LRRK1: variants seen among roughly 807,000 people sequenced by gnomAD.
LRRK1 encodes the protein leucine-rich repeat serine/threonine-protein kinase 1.
LRRK1 carries 113 observed loss-of-function variants against 209.1 expected under a neutral mutation model. The ratio of observed to expected loss-of-function variants is 0.54; its 90% CI spans 0.46 to 0.63. The LOEUF is 0.63. LRRK1 is among the 30% of genes least tolerant of loss of function. The probability of loss-of-function intolerance (pLI) is 0.00; values close to 1 mark genes in which losing one functional copy is unlikely to be tolerated. For synonymous variants in LRRK1, 1,144 were observed against 1,099.7 expected, an observed-to-expected ratio of 1.04 and a Z score of -0.80; for missense variants, 2,284 against 2,632.2, an observed-to-expected ratio of 0.87 and a Z score of 2.89.
At chr15:100,954,222 G>A (rs1230187660) in intron 2 of LRRK1, among the ~76,000 whole-genome samples, 1 of 152,100 alleles carries the variant, frequency 6.6e-6, no homozygotes, top group Non-Finnish European at 1.5e-5. Flanking sequence ...CCTAACTCAT[G>A]TTTTTAATTT....
chr15:100,968,033 C>A (rs2030585479), intron 2 of LRRK1, among the ~76,000 whole-genome samples: 1 of 152,170 alleles, frequency 6.6e-6, no homozygotes, highest in Non-Finnish European at 1.5e-5. Context: ...GTGCCCCATC[C>A]ACAGGAAAAC....
At chr15:101,066,843 C>T in intron 33 of LRRK1, 102 bp downstream of exon 33, 1 of 1,040,104 alleles carries the variant, frequency 9.6e-7, no homozygotes, top group Non-Finnish European at 1.5e-6. Flanking sequence ...CTTCCATTCT[C>T]CCAAATAGCA....
rs772397117 is a variant in LRRK1, at chr15:101,027,375, G to A, written c.2520G>A (p.Gly840=). Residue 840 remains glycine (G), a synonymous_variant, in exon 18 of 34, where the codon GGG becomes GGA. Transcript: ENST00000388948. The surrounding 1 kb of genome is among the most constrained non-coding windows in gnomAD (Gnocchi z 5.1). ...GSTIGCQRLA[G]RLIPRSYLSL... is the part of the protein sequence containing the mutation. ...CCATCGGCTGCCAGCGACTGGCAGG[G>A]CGGCTGGTGGGTACCTTGCTGGTCC... 14 of 1,613,294 alleles carry A rather than the reference G, an allele frequency of 8.7e-6. No individual in the cohort carries two copies.
rs551290421 is a variant in LRRK1, at chr15:101,024,439, T to C, written c.2068-364T>C. On this transcript the variant is annotated intron_variant, in intron 15 of 33. Transcript: ENST00000388948. This position sits in a 1 kb window ranked among gnomAD's most constrained non-coding sequence, Gnocchi z 4.6. ...AGAGGCCCATCTCCTCCTCTTGCCC[T>C]GGCACACAGGGAGGCTGAACCCCAG... 6.6e-6 allele frequency among the ~76,000 whole-genome samples: 1 copy of C among 152,296 alleles called. No homozygotes were observed. The highest frequency in any genetic ancestry group is 1.9e-4 in the East Asian group (1 of 5,174).
chr15:101,008,163 AAAAAAAAAAAAAAG>A (rs2033058129), intron 6 of LRRK1, among the ~76,000 whole-genome samples: 3 of 143,734 alleles, frequency 2.1e-5, no homozygotes, highest in South Asian at 2.1e-4. Flanking sequence ...AAAAAAAAAA[AAAAAAAAAAAAAAG>A]AGGCTGGCCT....
At chr15:100,997,002 T>C (rs1194932088) in intron 6 of LRRK1, among the ~76,000 whole-genome samples, 4 of 151,756 alleles carry the variant, frequency 2.6e-5, no homozygotes, top group Non-Finnish European at 5.9e-5. Context: ...ATGATACAAA[T>C]GGATTCTAGA....
At chr15:101,047,907 A>C (rs989428101) in intron 21 of LRRK1, among the ~76,000 whole-genome samples, 4 of 152,190 alleles carry the variant, frequency 2.6e-5, no homozygotes, top group African/African-American at 7.2e-5. Context: ...TGAGGGAGCA[A>C]AAGATTGGCA....
In LRRK1 at chr15:101,065,923, T is replaced by C; in HGVS notation, c.5486T>C (p.Leu1829Pro). 6.2e-7 allele frequency: 1 copy of C among 1,614,180 alleles called. No individual in the cohort carries two copies. Among genetic ancestry groups the C allele is most frequent in the Non-Finnish European group, 8.5e-7 (1 of 1,180,026 alleles). ...AGTGAGGAGCTGGGCACGCAGATCC[T>C]GATCCACCAGGAATCACTCACTGAC... ...MYSEELGTQI[L>P]IHQESLTDYC... The change falls in exon 32 of 34, where the codon CTG (leucine) becomes CCG (proline). Residue 1829 changes from leucine to proline, a missense_variant. This residue lies in a region of LRRK1 where 643 missense variants were observed against 695.9 expected (regional missense o/e 0.92). Transcript: ENST00000388948.
Position 101,072,771 on chromosome 15 carries a change from T to A in LRRK1, c.*3923T>A, listed in dbSNP as rs572759057. On this transcript the variant is annotated 3_prime_UTR_variant, in exon 34 of 34. Transcript: ENST00000388948. ...GCCCGCCAGAGAACAAACCCCCTTT[T>A]TCCTTTACCTACCCAAATCTTATAA... 3.3e-5 allele frequency: 5 copies of A among 152,208 alleles called. No homozygotes were observed. Among genetic ancestry groups the A allele is most frequent in the African/African-American group, 1.2e-4 (5 of 41,422 alleles). The allele number at this position is 152,208 out of a possible 1,614,324, so 9.4% of individuals were successfully genotyped here.
intron 2 of LRRK1, among the ~76,000 whole-genome samples, chr15:100,973,405 C>A (rs1231730538): frequency 2.0e-5 from 3 of 152,190 alleles, no homozygotes; most frequent in Non-Finnish European, 4.4e-5. Context: ...CGGGAGGTGG[C>A]CTGTCTTTCC....
Position 100,983,641 on chromosome 15 carries a change from G to C in LRRK1, c.375G>C (p.Val125=), listed in dbSNP as rs1263896266. 1 of 1,609,186 alleles carries C rather than the reference G, an allele frequency of 6.2e-7. No homozygotes were observed. Among genetic ancestry groups the C allele is most frequent in the African/African-American group, 1.3e-5 (1 of 74,918 alleles). ...AGCCCACGGATGACAACCCAGCCGT[G>C]GTGGCAGCGTATTTTGGACACACGG... The part of the protein sequence containing the change: ...PTEPTDDNPA[V]VAAYFGHTAV... The change falls in exon 4 of 34, where the codon GTG becomes GTC. Residue 125 remains valine (V), a synonymous_variant. Coordinates refer to ENST00000388948, the MANE Select transcript of LRRK1 (RefSeq NM_024652.6).
chr15:100,924,855 C>G (rs564263306), intron 2 of LRRK1, 126 bp downstream of exon 2: 1 of 634,472 alleles, frequency 1.6e-6, no homozygotes, highest in Admixed American at 2.5e-5. Flanking sequence ...TCATTTGGTG[C>G]TCTTTCATCA....
At chr15:101,030,769 G>T (rs562593456) in intron 20 of LRRK1, among the ~76,000 whole-genome samples, 3 of 152,294 alleles carry the variant, frequency 2.0e-5, no homozygotes, top group Admixed American at 2.0e-4. Flanking sequence ...TATTTACAAA[G>T]ATTTTTTCCA....
intron 26 of LRRK1, among the ~76,000 whole-genome samples, chr15:101,053,982 TCTTTA>T (rs2035640845): frequency 6.6e-6 from 1 of 152,024 alleles, no homozygotes; most frequent in African/African-American, 2.4e-5. Context: ...TAAACAGAAT[TCTTTA>T]CTTTTTTTTA....
chr15:100,932,135 G>A (rs1439684156), intron 2 of LRRK1, among the ~76,000 whole-genome samples: 3 of 152,058 alleles, frequency 2.0e-5, no homozygotes, highest in African/African-American at 4.8e-5. Context: ...ACAGGCACTC[G>A]CCACCACGCC....
chr15:100,926,903 T>C lies in LRRK1; in HGVS notation c.97+2174T>C, dbSNP rs193277713. ...TTTCACCATGTTGGCCAGGCTGGTC[T>C]AGAATTCCTGACCTCAAGTGATCCA... is the stretch of plus-strand genomic sequence containing the variant. On this transcript the variant is annotated intron_variant, in intron 2 of 33. Coordinates refer to ENST00000388948, the MANE Select transcript of LRRK1 (RefSeq NM_024652.6). Among the ~76,000 whole-genome samples the C allele has an allele frequency of 3.7e-3, 566 of 152,260 alleles. 3 individuals carry two copies. Among genetic ancestry groups the C allele is most frequent in the African/African-American group, 0.013 (533 of 41,570 alleles).
chr15:100,941,404 G>GTGTGTCTGTGTGTGTGTGTC (rs1567190975), intron 2 of LRRK1, among the ~76,000 whole-genome samples: 1 of 118,676 alleles, frequency 8.4e-6, no homozygotes, highest in Non-Finnish European at 1.6e-5. Flanking sequence ...GTGTGTCTGT[G>GTGTGTCTGTGTGTGTGTGTC]TGTGTCTCTG....
chr15:100,962,302 G>A (rs1443573167), intron 2 of LRRK1, among the ~76,000 whole-genome samples: 2 of 152,072 alleles, frequency 1.3e-5, no homozygotes, highest in Non-Finnish European at 2.9e-5. Flanking sequence ...GGCCAAGGCG[G>A]GTGGATCACT....
At position 101,024,889 on chromosome 15, in the gene LRRK1, C is replaced by G. The variant is rs1373846633; in HGVS notation, c.2154C>G (p.Ala718=). Residue 718 remains alanine, a synonymous_variant, in exon 16 of 34, where the codon GCC becomes GCG. Coordinates refer to ENST00000388948, the MANE Select transcript of LRRK1 (RefSeq NM_024652.6). The surrounding 1 kb of genome is among the most constrained non-coding windows in gnomAD (Gnocchi z 4.6). The part of the protein sequence containing the change: ...TVNQCFFTDK[A]LYVVVWNLAL... ...ACCAGTGCTTCTTCACGGACAAGGC[C>G]CTGTACGTGGTGGTCTGGAACCTGG... The G allele has an allele frequency of 1.9e-6, 3 of 1,614,134 alleles. No individual in the cohort carries two copies. Among genetic ancestry groups the G allele is most frequent in the Non-Finnish European group, 1.7e-6 (2 of 1,180,016 alleles).
Sources: allele counts gnomAD v4.1 joint callset (sites outside exome capture counted in the v4.1 genomes callset), GRCh38; gene constraint gnomAD v4.1.1; regional missense constraint gnomAD v4.1.1; non-coding constraint Gnocchi (gnomAD v3.1); transcripts MANE v1.5; gene names NCBI Gene and HGNC (gene_info 2026-07-23, HGNC 2026-07-21).